SCAPER: variants seen among roughly 807,000 people sequenced by gnomAD.
SCAPER encodes S-phase cyclin A associated protein in the ER.
A neutral mutation model predicts 182.2 loss-of-function variants in SCAPER; 98 were observed. The observed-to-expected ratio is 0.54, with a 90% CI of 0.46 to 0.64. The LOEUF (loss-of-function observed/expected upper bound fraction) is 0.64. Ranked by LOEUF, SCAPER falls within the 30% of genes least tolerant of loss-of-function variation. The probability of loss-of-function intolerance (pLI) is 0.00; values close to 1 mark genes in which losing one functional copy is unlikely to be tolerated. For synonymous variants in SCAPER, 605 were observed against 564.6 expected, an observed-to-expected ratio of 1.07 and a Z score of -1.01; for missense variants, 1,432 against 1,690.0, an observed-to-expected ratio of 0.85 and a Z score of 2.68.
At position 76,705,383 on chromosome 15, in the gene SCAPER, C is replaced by T. The variant is rs1349872691; in HGVS notation, c.2247+520G>A. Reference sequence around the variant, plus strand: ...TGGACACAGGAAGGGGAACATCACACTCTGGGGACTGTTTTGGGGTGGGGG... The same window carrying T: ...TGGACACAGGAAGGGGAACATCACATTCTGGGGACTGTTTTGGGGTGGGGG... On this transcript the variant is annotated intron_variant, in intron 18 of 31. Coordinates refer to ENST00000563290, the MANE Select transcript of SCAPER (RefSeq NM_020843.4). 4.2e-5 allele frequency among the ~76,000 whole-genome samples: 5 copies of T among 118,716 alleles called. No homozygotes were observed. In the East Asian group the frequency reaches 7.3e-4, roughly 17 times the overall value. The allele number at this position is 118,716 out of a possible 152,430, so 77.9% of individuals were successfully genotyped here.
chr15:76,785,099 C>T (rs1400167903), intron 8 of SCAPER, among the ~76,000 whole-genome samples: 1 of 152,172 alleles, frequency 6.6e-6, no homozygotes, highest in East Asian at 1.9e-4. Flanking sequence ...AGGCATCCTA[C>T]AGAATGGGAG....
chr15:76,852,523 C>T (rs2070862105), intron 4 of SCAPER, among the ~76,000 whole-genome samples: 1 of 152,100 alleles, frequency 6.6e-6, no homozygotes, highest in South Asian at 2.1e-4. Context: ...AAATGGAAGT[C>T]AAAACTAAGA....
At position 76,774,923 on chromosome 15, in the gene SCAPER, T is replaced by C. The variant is rs750887670; in HGVS notation, c.967A>G (p.Asn323Asp). 2.5e-6 allele frequency: 4 copies of C among 1,613,726 alleles called. No homozygotes were observed. Among genetic ancestry groups the C allele is most frequent in the East Asian group, 4.5e-5 (2 of 44,868 alleles). Residue 323 changes from asparagine (N) to aspartate (D), a missense_variant, in exon 9 of 32, where the codon AAT becomes GAT. Coordinates refer to ENST00000563290, the MANE Select transcript of SCAPER (RefSeq NM_020843.4). ...KGQFVGDGTSNTIESHPKDSL... is the reference protein window; with the variant it reads ...KGQFVGDGTSDTIESHPKDSL... The stretch of plus-strand genomic sequence containing the variant: ...TCTTTGGGATGAGATTCTATAGTAT[T>C]AGAAGTTCCATCTCCAACAAATTGA...
chr15:76,848,789 A>AT (rs2070410831), intron 4 of SCAPER, among the ~76,000 whole-genome samples: 1 of 152,112 alleles, frequency 6.6e-6, no homozygotes, highest in African/African-American at 2.4e-5. Flanking sequence ...GTTTTTTAGT[A>AT]TTTTTTAGCA....
chr15:76,449,164 A>T (rs552513792), intron 25 of SCAPER, among the ~76,000 whole-genome samples: 41 of 152,360 alleles, frequency 2.7e-4, no homozygotes, highest in African/African-American at 8.9e-4. Context: ...TTATTTTTCT[A>T]TAAAGGCCTA....
intron 26 of SCAPER, among the ~76,000 whole-genome samples, chr15:76,415,407 T>C (rs2045579033): frequency 6.6e-6 from 1 of 152,108 alleles, no homozygotes; most frequent in African/African-American, 2.4e-5. Flanking sequence ...AGAAAAAGAC[T>C]TTTATAAAGA....
Position 76,574,160 on chromosome 15 carries a change from C to G in SCAPER, c.2836G>C (p.Glu946Gln). 1.2e-6 allele frequency: 2 copies of G among 1,600,594 alleles called. No homozygotes were observed. Among genetic ancestry groups the G allele is most frequent in the Non-Finnish European group, 1.7e-6 (2 of 1,174,334 alleles). The change falls in exon 23 of 32, where the codon GAG becomes CAG. Residue 946 changes from glutamate (E) to glutamine (Q), a missense_variant and splice_region_variant. Glu to Gln is a conservative substitution (Grantham distance 29). Coordinates refer to ENST00000563290, the MANE Select transcript of SCAPER (RefSeq NM_020843.4). ...AAAGCCAGATATTAGTTACACACCTCTTTTTCCAGTATTCTAGTGATCTCT... is the reference window on the plus strand; with the variant it reads ...AAAGCCAGATATTAGTTACACACCTGTTTTTCCAGTATTCTAGTGATCTCT... ...LGEITRILEK[E>Q]NVADQIAFQA...
chr15:76,451,123 T>C (rs1314370072), intron 25 of SCAPER, among the ~76,000 whole-genome samples: 2 of 152,252 alleles, frequency 1.3e-5, no homozygotes, highest in African/African-American at 4.8e-5. Flanking sequence ...ACACAGTAGG[T>C]AGATTTTTGA....
intron 21 of SCAPER, among the ~76,000 whole-genome samples, chr15:76,656,147 G>A (rs1317444915): frequency 6.6e-6 from 1 of 152,158 alleles, no homozygotes; most frequent in Admixed American, 6.6e-5. Flanking sequence ...ACCATATGTT[G>A]TCTTCAATGG....
chr15:76,507,040 C>G (rs2041645376), intron 23 of SCAPER, among the ~76,000 whole-genome samples: 1 of 152,090 alleles, frequency 6.6e-6, no homozygotes, highest in African/African-American at 2.4e-5. Flanking sequence ...AATAAGATAG[C>G]AACTTATTGT....
chr15:76,722,763 C>A (rs553354103), intron 17 of SCAPER, among the ~76,000 whole-genome samples: 10 of 152,142 alleles, frequency 6.6e-5, no homozygotes, highest in South Asian at 2.1e-4. Context: ...TCTGTGGGAT[C>A]GGTGGTGATA....
At chr15:76,378,696 A>G (rs2042738125) in intron 28 of SCAPER, among the ~76,000 whole-genome samples, 1 of 152,106 alleles carries the variant, frequency 6.6e-6, no homozygotes, top group South Asian at 2.1e-4. Flanking sequence ...ATAGGTAAGT[A>G]TATGACTTCT....
intron 18 of SCAPER, among the ~76,000 whole-genome samples, chr15:76,705,307 C>G (rs1055727596): frequency 1.4e-5 from 2 of 147,906 alleles, no homozygotes; most frequent in Admixed American, 7.0e-5. Flanking sequence ...GACAAAAAAC[C>G]AAACACCGCA....
chr15:76,660,443 C>T (rs1247432171), intron 21 of SCAPER, among the ~76,000 whole-genome samples: 2 of 152,014 alleles, frequency 1.3e-5, no homozygotes, highest in Admixed American at 6.5e-5. Context: ...CTCCCCTCTT[C>T]TCTAGGGGGA....
chr15:76,359,686 C>T (rs1273641184), intron 29 of SCAPER, among the ~76,000 whole-genome samples: 1 of 152,210 alleles, frequency 6.6e-6, no homozygotes, highest in Non-Finnish European at 1.5e-5. Context: ...CCAGGCAGAA[C>T]AGCCAAAGGC....
At chr15:76,880,025 A>G (rs1011801307) in intron 2 of SCAPER, among the ~76,000 whole-genome samples, 45 of 152,266 alleles carry the variant, frequency 3.0e-4, no homozygotes, top group African/African-American at 1.0e-3. Flanking sequence ...AAAAGCATCA[A>G]TAAATGAACA....
Position 76,875,819 on chromosome 15 carries a change from T to C in SCAPER, c.6+7993A>G, listed in dbSNP as rs146944869. ...TGAATGTCACAGCTCATAAAGGCAG[T>C]GTGGACCCAAAGAGTGAGCAGCAGC... On this transcript the variant is annotated intron_variant, in intron 2 of 31. Coordinates refer to ENST00000563290, the MANE Select transcript of SCAPER (RefSeq NM_020843.4). Among the ~76,000 whole-genome samples, 221 of 152,204 alleles carry C rather than the reference T, an allele frequency of 1.5e-3. 2 individuals carry two copies. The highest frequency in any genetic ancestry group is 4.8e-3 in the African/African-American group (200 of 41,518).
intron 23 of SCAPER, among the ~76,000 whole-genome samples, chr15:76,548,976 A>T (rs1356934739): frequency 1.3e-5 from 2 of 152,246 alleles, no homozygotes; most frequent in Non-Finnish European, 2.9e-5. Flanking sequence ...GCTTCTGCAC[A>T]GCAAAAGAAA....
intron 8 of SCAPER, among the ~76,000 whole-genome samples, chr15:76,785,724 G>A (rs2064538184): frequency 6.6e-6 from 1 of 152,146 alleles, no homozygotes; most frequent in South Asian, 2.1e-4. Context: ...CATGTCCTTT[G>A]TAAGGACATG....
Sources: gnomAD v4.1 joint callset for allele counts (sites outside exome capture counted in the v4.1 genomes callset) on GRCh38, gnomAD v4.1.1 for gene constraint, MANE v1.5 for transcripts, NCBI Gene and HGNC (gene_info 2026-07-23, HGNC 2026-07-21) for gene names.